The following AHCTF1 variants were observed in gnomAD, a reference collection of about 807,000 sequenced individuals.
AHCTF1 encodes the protein AT-hook containing transcription factor 1.
A neutral mutation model predicts 248.4 loss-of-function variants in AHCTF1; 24 were observed. The observed-to-expected ratio is 0.10, with a 90% CI of 0.07 to 0.14. The LOEUF (loss-of-function observed/expected upper bound fraction) is 0.14. Ranked by LOEUF, AHCTF1 falls within the 10% of genes least tolerant of loss-of-function variation. AHCTF1 has a pLI of 1.00. For synonymous variants in AHCTF1, 786 were observed against 929.8 expected (o/e 0.85, Z 2.81); for missense variants, 2,206 against 2,636.2 (o/e 0.84, Z 3.57).
Position 246,897,300 on chromosome 1 carries a change from C to T in AHCTF1, c.1623+908G>A, listed in dbSNP as rs778476183. ...CTGCACTCCAGTCTGGGCAACAGAC[C>T]GAGATGCTGTCTCAAAAAAAATAAA... On this transcript the variant is annotated intron_variant, in intron 12 of 35. Coordinates refer to ENST00000648844, the MANE Select transcript of AHCTF1 (RefSeq NM_001323342.2). Among the ~76,000 whole-genome samples, 17 of 151,626 alleles carry T rather than the reference C, an allele frequency of 1.1e-4. 1 individual carries two copies. Among genetic ancestry groups the T allele is most frequent in the Non-Finnish European group, 2.4e-4 (16 of 67,954 alleles).
intron 1 of AHCTF1, among the ~76,000 whole-genome samples, chr1:246,921,828 A>G (rs1666568643): frequency 6.6e-6 from 1 of 152,208 alleles, no homozygotes; most frequent in East Asian, 1.9e-4. Flanking sequence ...GCTTAAAGGA[A>G]ATGTTAAAGG....
chr1:246,901,622 A>T (rs1665005390), intron 8 of AHCTF1, among the ~76,000 whole-genome samples: 1 of 151,844 alleles, frequency 6.6e-6, no homozygotes, highest in African/African-American at 2.4e-5. Context: ...TCAAAAAAAC[A>T]AAACAAAAAA....
intron 24 of AHCTF1, among the ~76,000 whole-genome samples, chr1:246,870,950 A>C (rs966481682): frequency 2.0e-5 from 3 of 152,200 alleles, no homozygotes; most frequent in Non-Finnish European, 4.4e-5. Flanking sequence ...AAGACAAACA[A>C]TACAACTGAG....
At chr1:246,906,243 A>G (rs1665380378) in intron 5 of AHCTF1, among the ~76,000 whole-genome samples, 1 of 152,178 alleles carries the variant, frequency 6.6e-6, no homozygotes, top group African/African-American at 2.4e-5. Flanking sequence ...TGTAGAAGCC[A>G]GGTACTGCAG....
Position 246,931,086 on chromosome 1 carries a change from G to C in AHCTF1, c.-8+492C>G, listed in dbSNP as rs1045050302. 5.2e-6 allele frequency: 8 copies of C among 1,545,658 alleles called. No individual in the cohort carries two copies. The Admixed American group carries it at 1.2e-4, about 23-fold the overall frequency. On this transcript the variant is annotated intron_variant, in intron 1 of 35. Transcript: ENST00000648844. ...CAATCGGGTGAGCTGGAACCTCACG[G>C]CTGAGCCCCGAGTCCAACTTCTTCC...
At chr1:246,890,503 A>G (rs530240690) in intron 16 of AHCTF1, among the ~76,000 whole-genome samples, 1 of 152,322 alleles carries the variant, frequency 6.6e-6, no homozygotes, top group African/African-American at 2.4e-5. Context: ...ATATAGCACA[A>G]GTCAAATACC....
At chr1:246,867,469 CAAAT>C in intron 25 of AHCTF1, 118 bp from the exon 26 acceptor site, 1 of 995,268 alleles carries the variant, frequency 1.0e-6, no homozygotes, top group South Asian at 1.7e-5. Flanking sequence ...GCATTGCTTA[CAAAT>C]AATAATGAAC....
At chr1:246,862,798 G>GA (rs921688741) in intron 27 of AHCTF1, among the ~76,000 whole-genome samples, 1 of 151,962 alleles carries the variant, frequency 6.6e-6, no homozygotes, top group South Asian at 2.1e-4. Flanking sequence ...TAGTGTTTCA[G>GA]AAAAAAAATT....
chr1:246,869,000 A>G lies in AHCTF1; in HGVS notation c.3089-1189T>C, dbSNP rs571373007. Among the ~76,000 whole-genome samples the G allele has an allele frequency of 8.1e-4, 122 of 150,440 alleles. 2 individuals carry two copies. Among genetic ancestry groups the G allele is most frequent in the Non-Finnish European group, 1.1e-3 (76 of 67,746 alleles). ...GCTGGGACTACAGGCGCCCGCCACC[A>G]TGCCTGGCTAACTTTTTCTATTTTT... is the stretch of plus-strand genomic sequence containing the variant. On this transcript the variant is annotated intron_variant, in intron 24 of 35. Coordinates refer to ENST00000648844, the MANE Select transcript of AHCTF1 (RefSeq NM_001323342.2).
chr1:246,885,451 C>G, intron 21 of AHCTF1, 42 bp downstream of exon 21: 1 of 1,487,666 alleles, frequency 6.7e-7, no homozygotes, highest in South Asian at 1.3e-5. Context: ...ATTTTATTAA[C>G]AGATACGATA....
chr1:246,870,871 C>T (rs2103092185), intron 24 of AHCTF1, among the ~76,000 whole-genome samples: 1 of 152,160 alleles, frequency 6.6e-6, no homozygotes, highest in South Asian at 2.1e-4. Flanking sequence ...ATATAAATTC[C>T]CAATTCGGGT....
intron 24 of AHCTF1, among the ~76,000 whole-genome samples, chr1:246,868,941 T>A (rs1199809859): frequency 1.0e-4 from 15 of 150,266 alleles, no homozygotes; most frequent in Admixed American, 7.3e-4. Context: ...GCCTCCCGGG[T>A]TCACGCCATT....
At chr1:246,842,249 GT>G (rs1659924524) in intron 35 of AHCTF1, among the ~76,000 whole-genome samples, 1 of 151,984 alleles carries the variant, frequency 6.6e-6, no homozygotes, top group Non-Finnish European at 1.5e-5. Flanking sequence ...AAAATTAAGG[GT>G]CTTCTCAAAT....
At chr1:246,890,834 A>G (rs1572422581) in intron 16 of AHCTF1, 122 bp downstream of exon 16, 2 of 576,442 alleles carry the variant, frequency 3.5e-6, no homozygotes, top group Non-Finnish European at 5.5e-6. Context: ...AGCATAAATT[A>G]AATTAAGGAG....
rs1558218607 is a variant in AHCTF1, at chr1:246,857,786, A to T, written c.4161T>A (p.Asp1387Glu). ...AAAATGCCTCTGCTGCAACTAAGAG[A>T]TCCTTTGTTTCTGCATCTTCTAAAT... ...MGNLEDAETK[D>E]LLVAAEAFSE... Residue 1387 changes from aspartate to glutamate, a missense_variant, in exon 30 of 36, where the codon GAT becomes GAA. Physicochemically the swap from Asp to Glu is conservative, Grantham distance 45 (BLOSUM62 2). Transcript: ENST00000648844. 1 of 1,612,500 alleles carries T rather than the reference A, an allele frequency of 6.2e-7. No homozygotes were observed. Among genetic ancestry groups the T allele is most frequent in the Non-Finnish European group, 8.5e-7 (1 of 1,178,842 alleles).
At chr1:246,896,715 T>A (rs143057343) in intron 12 of AHCTF1, among the ~76,000 whole-genome samples, 1 of 152,204 alleles carries the variant, frequency 6.6e-6, no homozygotes, top group Non-Finnish European at 1.5e-5. Context: ...AACTGCACGG[T>A]GTATGAAATA....
intron 32 of AHCTF1, 143 bp downstream of exon 32, chr1:246,852,947 TA>T (rs1558214014): frequency 4.8e-6 from 3 of 631,024 alleles, no homozygotes; most frequent in Non-Finnish European, 2.7e-6. Flanking sequence ...TTTATACACT[TA>T]TTTTTTGAAC....
In AHCTF1 at chr1:246,917,254, C is replaced by T. The variant is rs531232916; in HGVS notation, c.122-859G>A. On this transcript the variant is annotated intron_variant, in intron 2 of 35. Transcript: ENST00000648844. ...AGGGAGAACTAATTGGATTTCCTTG[C>T]TGATGAATGAGACACAGGGAGGTGA... 7.2e-5 allele frequency among the ~76,000 whole-genome samples: 11 copies of T among 152,294 alleles called. No individual in the cohort carries two copies. In the South Asian group the frequency reaches 1.7e-3, roughly 23 times the overall value.
At position 246,898,332 on chromosome 1, in the gene AHCTF1, A is replaced by C. The variant is rs1188865316; in HGVS notation, c.1499T>G (p.Leu500Trp). ...TGGACCTGATTTCTTTAAAAAAGTCAAAGTCTGTAACAGATAAATTAGTAA... is the reference window on the plus strand; with the variant it reads ...TGGACCTGATTTCTTTAAAAAAGTCCAAGTCTGTAACAGATAAATTAGTAA... ...LTCTGFQKET[L>W]TFLKKSGPSL... The change falls in exon 12 of 36, where the codon TTG becomes TGG. Residue 500 changes from leucine to tryptophan, a missense_variant. Transcript: ENST00000648844. 2.5e-6 allele frequency: 4 copies of C among 1,612,938 alleles called. No individual in the cohort carries two copies. In the African/African-American group the frequency reaches 5.3e-5, roughly 22 times the overall value.
Sources: gnomAD v4.1 joint callset for allele counts (sites outside exome capture counted in the v4.1 genomes callset) on GRCh38, gnomAD v4.1.1 for gene constraint, MANE v1.5 for transcripts, NCBI Gene and HGNC (gene_info 2026-07-23, HGNC 2026-07-21) for gene names.